The following BCL9L variants were observed in gnomAD, a reference collection of about 807,000 sequenced individuals.
BCL9L encodes B-cell CLL/lymphoma 9-like protein.
BCL9L carries 19 observed loss-of-function variants against 99.4 expected under a neutral mutation model. The observed-to-expected ratio is 0.19, with a 90% CI of 0.13 to 0.28. The LOEUF is 0.28. BCL9L is among the 10% of genes least tolerant of loss of function. BCL9L has a pLI of 1.00. For missense variants in BCL9L, 2,023 were observed against 2,101.6 expected, an observed-to-expected ratio of 0.96 and a Z score of 0.73; for synonymous variants, 900 against 854.8, an observed-to-expected ratio of 1.05 and a Z score of -0.92.
rs771073915 is a variant in BCL9L at position 118,903,920 on chromosome 11, G to C, written c.533-468C>G. 6.6e-6 allele frequency among the ~76,000 whole-genome samples: 1 copy of C among 152,172 alleles called. No individual in the cohort carries two copies. On this transcript the variant is annotated intron_variant, in intron 5 of 9. Coordinates refer to ENST00000683865, the MANE Select transcript of BCL9L (RefSeq NM_001378213.1). The surrounding 1 kb of genome is among the most constrained non-coding windows in gnomAD (Gnocchi z 5.6). ...AGTCTAGTGACCCAGTTAGGGAGAA[G>C]GCAGAGAGGGTACACAAGCTGATGA...
chr11:118,911,442 G>C (rs566532698), intron 2 of BCL9L: 1 of 348,384 alleles, frequency 2.9e-6, no homozygotes, highest in East Asian at 8.7e-5. Context: ...TGTCTCTGGG[G>C]AGGAAGGCTC....
At chr11:118,909,520 G>T (rs888934129) in intron 3 of BCL9L, among the ~76,000 whole-genome samples, 11 of 152,224 alleles carry the variant, frequency 7.2e-5, no homozygotes, top group East Asian at 1.9e-4. Context: ...CTCCGGGGAG[G>T]GGGGAGGGAG....
chr11:118,904,066 TC>T (rs1197006339), intron 5 of BCL9L, among the ~76,000 whole-genome samples: 2 of 152,194 alleles, frequency 1.3e-5, no homozygotes, highest in African/African-American at 4.8e-5. Flanking sequence ...ACTAACCTCC[TC>T]CTTGCACAGG....
In BCL9L at chr11:118,900,242, G is replaced by A. The variant is rs535808657; in HGVS notation, c.3125-44C>T. 17 of 1,523,968 alleles carry A rather than the reference G, an allele frequency of 1.1e-5. No individual in the cohort carries two copies. The East Asian group carries it at 3.4e-4, about 31-fold the overall frequency. The allele number at this position is 1,523,968 out of a possible 1,614,324, so 94.4% of individuals were successfully genotyped here. A position where few individuals can be genotyped will look rare whatever the true frequency, so the allele number is the denominator to read the frequency against. On this transcript the variant is annotated intron_variant, in intron 8 of 9. Transcript: ENST00000683865. This position sits in a 1 kb window ranked among gnomAD's most constrained non-coding sequence, Gnocchi z 5.3. ...AAAGAGAGCAGGGGTGACTGGGGAG[G>A]GGCAGATGAGTTTGGCTGTGGATAT...
chr11:118,898,300 T>TCCCCCCCCCCCCCCCCCCC lies in BCL9L; in HGVS notation c.*114_*115insGGGGGGGGGGGGGGGGGGG. ...AATGCCACTCCCTACACAAGCCCCCTCCCACCCCCTCCACCCCACCCCGCG... is the reference window on the plus strand; with the variant it reads ...AATGCCACTCCCTACACAAGCCCCCTCCCCCCCCCCCCCCCCCCCCCCACCCCCTCCACCCCACCCCGCG... On this transcript the variant is annotated 3_prime_UTR_variant, in exon 10 of 10. Transcript: ENST00000683865. The TCCCCCCCCCCCCCCCCCCC allele has an allele frequency of 5.4e-6, 1 of 185,490 alleles. No individual in the cohort carries two copies. The highest frequency in any genetic ancestry group is 4.0e-5 in the African/African-American group (1 of 24,712). The allele number at this position is 185,490 out of a possible 1,614,324, so 11.5% of individuals were successfully genotyped here. A position where few individuals can be genotyped will look rare whatever the true frequency, so the allele number is the denominator to read the frequency against.
In BCL9L at chr11:118,897,369, A is replaced by T. The variant is rs780519611; in HGVS notation, c.*1046T>A. The T allele has an allele frequency of 5.4e-5, 10 of 184,036 alleles. No individual in the cohort carries two copies. Among genetic ancestry groups the T allele is most frequent in the Non-Finnish European group, 8.1e-5 (7 of 85,930 alleles). 11.4% of individuals were successfully genotyped at this position (184,036 alleles called of 1,614,324 possible). ...CCTTTCCTTCATCCCAAACTGGGAC[A>T]AAAGACTTCAAGTTCTGGCTAAGAT... On this transcript the variant is annotated 3_prime_UTR_variant, in exon 10 of 10. Transcript: ENST00000683865.
In BCL9L at chr11:118,900,135, C is replaced by T; in HGVS notation, c.3188G>A (p.Gly1063Asp). Residue 1063 changes from glycine (G) to aspartate (D), a missense_variant, in exon 9 of 10, where the codon GGC becomes GAC. Physicochemically the swap from Gly to Asp is moderately conservative, Grantham distance 94 (BLOSUM62 -1). Around this residue, in one of 3 missense-constraint regions of BCL9L, gnomAD observed 902 missense variants for 888.2 expected, o/e 1.02. Coordinates refer to ENST00000683865, the MANE Select transcript of BCL9L (RefSeq NM_001378213.1). The surrounding 1 kb of genome is among the most constrained non-coding windows in gnomAD (Gnocchi z 5.3). Reference sequence around the variant, plus strand: ...GAATGGTAGGCTGGGGTTCATGAGGCCGCTGGGAGGGTTGGCGGGAGGTGC... The same window carrying T: ...GAATGGTAGGCTGGGGTTCATGAGGTCGCTGGGAGGGTTGGCGGGAGGTGC... ...SSAPPANPPS[G>D]LMNPSLPFTS... The T allele has an allele frequency of 3.1e-6, 5 of 1,612,942 alleles. No homozygotes were observed. The highest frequency in any genetic ancestry group is 1.7e-4 in the Middle Eastern group (1 of 6,042).
In BCL9L at chr11:118,908,482, G is replaced by A. The variant is rs769730158; in HGVS notation, c.200C>T (p.Thr67Ile). 2.0e-5 allele frequency: 33 copies of A among 1,614,074 alleles called. No individual in the cohort carries two copies. The Admixed American group carries it at 4.5e-4, about 22-fold the overall frequency. Residue 67 changes from threonine to isoleucine, a missense_variant, in exon 4 of 10, where the codon ACC (threonine) becomes ATC (isoleucine). By Grantham distance (89) the Thr-to-Ile change is moderately conservative. Transcript: ENST00000683865. The part of the protein sequence containing the change: ...SQHQNVNQGP[T>I]CNVGSKGVGA... The stretch of plus-strand genomic sequence containing the variant: ...CACGCCCTTCGAGCCCACGTTGCAG[G>A]TGGGTCCTTGGTTCACATTCTGGTG...
Position 118,900,634 on chromosome 11 carries a change from T to A in BCL9L, c.3109A>T (p.Ser1037Cys). 6.2e-7 allele frequency: 1 copy of A among 1,609,424 alleles called. No homozygotes were observed. Among genetic ancestry groups the A allele is most frequent in the Non-Finnish European group, 8.5e-7 (1 of 1,177,422 alleles). The change falls in exon 8 of 10, where the codon AGC (serine) becomes TGC (cysteine). Residue 1037 changes from serine to cysteine, a missense_variant. By Grantham distance (112) the Ser-to-Cys change is moderately radical. Around this residue, in one of 3 missense-constraint regions of BCL9L, gnomAD observed 902 missense variants for 888.2 expected, o/e 1.02. Transcript: ENST00000683865. This position sits in a 1 kb window ranked among gnomAD's most constrained non-coding sequence, Gnocchi z 5.3. Reference sequence around the variant, plus strand: ...ATTGACTCACCCTGTTCCATGTTGCTCAGGGTGGTGGAAGAGTTCATGTTG... The same window carrying A: ...ATTGACTCACCCTGTTCCATGTTGCACAGGGTGGTGGAAGAGTTCATGTTG... ...PLNMNSSTTL[S>C]NMEQGTLPPS...
rs765333086 is a variant in BCL9L, at chr11:118,908,539, C to T, written c.143G>A (p.Gly48Asp). The T allele has an allele frequency of 6.2e-7, 1 of 1,614,104 alleles. No homozygotes were observed. Among genetic ancestry groups the T allele is most frequent in the Admixed American group, 1.7e-5 (1 of 60,022 alleles). ...MHPENKLTNH[G>D]KTGNGGAQSQ... ...TTGGGCCCCGCCATTCCCTGTCTTGCCATGATTGGTCAATTTATTTTCTGG... is the reference window on the plus strand; with the variant it reads ...TTGGGCCCCGCCATTCCCTGTCTTGTCATGATTGGTCAATTTATTTTCTGG... The change falls in exon 4 of 10, where the codon GGC becomes GAC. Residue 48 changes from glycine (G) to aspartate (D), a missense_variant. Physicochemically the swap from Gly to Asp is moderately conservative, Grantham distance 94. Transcript: ENST00000683865.
rs774365400 is a variant in BCL9L, at chr11:118,901,087, G to A, written c.2656C>T (p.Arg886Trp). 12 of 1,607,244 alleles carry A rather than the reference G, an allele frequency of 7.5e-6. No individual in the cohort carries two copies. Among genetic ancestry groups the A allele is most frequent in the East Asian group, 2.2e-5 (1 of 44,774 alleles). Residue 886 changes from arginine (R) to tryptophan (W), a missense_variant, in exon 8 of 10, where the codon CGG becomes TGG. Physicochemically the swap from Arg to Trp is moderately radical, Grantham distance 101. Around this residue, in one of 3 missense-constraint regions of BCL9L, gnomAD observed 902 missense variants for 888.2 expected, o/e 1.02. Transcript: ENST00000683865. This position sits in a 1 kb window ranked among gnomAD's most constrained non-coding sequence, Gnocchi z 6.6. ...GGGGGCAGAGGCATGTGGCTGAGCC[G>A]GGTGGTGCCCACGTTGCTCATGGGC... ...SMPMSNVGTT[R>W]LSHMPLPPAS...
intron 2 of BCL9L, chr11:118,910,993 G>C: frequency 3.6e-6 from 1 of 280,848 alleles, no homozygotes; most frequent in South Asian, 2.9e-5. Flanking sequence ...CGCAGACACC[G>C]GGGCTGCCCG....
In BCL9L at chr11:118,909,982, G is replaced by A; in HGVS notation, c.-43C>T. ...GGGCTACGGCCCCTGTGCGTGCCCAGGGCCCAGCCAGGTACTCGGTACTGG... is the reference window on the plus strand; with the variant it reads ...GGGCTACGGCCCCTGTGCGTGCCCAAGGCCCAGCCAGGTACTCGGTACTGG... On this transcript the variant is annotated 5_prime_UTR_variant, in exon 3 of 10. Transcript: ENST00000683865. 6.2e-7 allele frequency: 1 copy of A among 1,613,734 alleles called. No individual in the cohort carries two copies. The highest frequency in any genetic ancestry group is 1.1e-5 in the South Asian group (1 of 91,068).
At position 118,898,199 on chromosome 11, in the gene BCL9L, G is replaced by A. The variant is rs1940002486; in HGVS notation, c.*216C>T. ...AGGGGCAGTCCTGGTGGCCGAAATG[G>A]AACCAACCCCAATGCAAAATCCCCC... is the stretch of plus-strand genomic sequence containing the variant. On this transcript the variant is annotated 3_prime_UTR_variant, in exon 10 of 10. Transcript: ENST00000683865. 2 of 670,846 alleles carry A rather than the reference G, an allele frequency of 3.0e-6. No individual in the cohort carries two copies. The highest frequency in any genetic ancestry group is 3.9e-5 in the South Asian group (2 of 50,908). 41.6% of individuals were successfully genotyped at this position (670,846 alleles called of 1,614,324 possible).
intron 2 of BCL9L, chr11:118,910,648 G>A (rs979477759): frequency 2.0e-5 from 3 of 152,960 alleles, no homozygotes; most frequent in African/African-American, 7.2e-5. Context: ...CAGAGCCCGG[G>A]CGGAGAGGCA....
chr11:118,907,396 C>G, intron 5 of BCL9L, 87 bp downstream of exon 5: 1 of 1,601,192 alleles, frequency 6.2e-7, no homozygotes, highest in Admixed American at 1.7e-5. Context: ...ACTCCCAGTC[C>G]TCACTTCTTT....
chr11:118,900,838 G>A lies in BCL9L; in HGVS notation c.2905C>T (p.Pro969Ser). The change falls in exon 8 of 10, where the codon CCG (proline) becomes TCG (serine). Residue 969 changes from proline (P) to serine (S), a missense_variant. By Grantham distance (74) the Pro-to-Ser change is moderately conservative. This residue lies in a region of BCL9L where 902 missense variants were observed against 888.2 expected (regional missense o/e 1.02). Transcript: ENST00000683865. This position sits in a 1 kb window ranked among gnomAD's most constrained non-coding sequence, Gnocchi z 5.3. ...SQMVPLPSAN[P>S]PGPLKSPQVL... ...TGGGGCGACTTGAGAGGTCCTGGCG[G>A]GTTGGCAGAAGGCAAGGGCACCATC... is the stretch of plus-strand genomic sequence containing the variant. 6.2e-7 allele frequency: 1 copy of A among 1,613,050 alleles called. No individual in the cohort carries two copies. The highest frequency in any genetic ancestry group is 8.5e-7 in the Non-Finnish European group (1 of 1,179,268).
chr11:118,916,225 G>C (rs1296965159), intron 2 of BCL9L, among the ~76,000 whole-genome samples: 1 of 152,154 alleles, frequency 6.6e-6, no homozygotes, highest in East Asian at 1.9e-4. Context: ...AGGGGCTCCA[G>C]CCCACCCCTC....
rs1365669962 is a variant in BCL9L at position 118,899,512 on chromosome 11, T to C, written c.3407-4A>G. ...CTGGGCTGGCTGTTGCTGATCCCTG[T>C]AGGGAATAGAAGACAGGGGGTCAGG... On this transcript the variant is annotated splice_region_variant and splice_polypyrimidine_tract_variant and intron_variant, in intron 9 of 9. Coordinates refer to ENST00000683865, the MANE Select transcript of BCL9L (RefSeq NM_001378213.1). 18 of 1,607,330 alleles carry C rather than the reference T, an allele frequency of 1.1e-5. No homozygotes were observed. The highest frequency in any genetic ancestry group is 1.5e-5 in the Non-Finnish European group (18 of 1,178,304).
Sources: allele counts gnomAD v4.1 joint callset (sites outside exome capture counted in the v4.1 genomes callset), GRCh38; gene constraint gnomAD v4.1.1; regional missense constraint gnomAD v4.1.1; non-coding constraint Gnocchi (gnomAD v3.1); transcripts MANE v1.5; gene names NCBI Gene and HGNC (gene_info 2026-07-23, HGNC 2026-07-21).